Variants in SLC24A1 observed in about 807,000 individuals in gnomAD.
SLC24A1 encodes solute carrier family 24 member 1.
Under a neutral mutation model 88.1 loss-of-function variants are expected in SLC24A1, and 52 were observed. The observed-to-expected ratio is 0.59, with a 90% CI of 0.47 to 0.74. SLC24A1 has a LOEUF of 0.74. Ranked by LOEUF, SLC24A1 falls within the 30% of genes least tolerant of loss-of-function variation. The probability of loss-of-function intolerance (pLI) is 0.00; values close to 1 mark genes in which losing one functional copy is unlikely to be tolerated. For missense variants in SLC24A1, 1,173 were observed against 1,363.3 expected (o/e 0.86, Z 2.20); for synonymous variants, 455 against 498.0 (o/e 0.91, Z 1.15).
At chr15:65,652,099 C>T (rs566208237) in intron 8 of SLC24A1, 9 of 371,328 alleles carry the variant, frequency 2.4e-5, no homozygotes, top group African/African-American at 1.1e-4. Flanking sequence ...CAGCTTTTTT[C>T]GCCTGCTCTC....
At chr15:65,629,093 G>T (rs1015778723) in intron 2 of SLC24A1, among the ~76,000 whole-genome samples, 6 of 152,196 alleles carry the variant, frequency 3.9e-5, no homozygotes, top group African/African-American at 1.2e-4. Flanking sequence ...TGGCCACGTG[G>T]TATTTTAGTA....
chr15:65,660,226 G>C, downstream of SLC24A1: 1 of 1,404,322 alleles, frequency 7.1e-7, no homozygotes, highest in Non-Finnish European at 9.7e-7. Flanking sequence ...AGCAAGTTCA[G>C]CCCCAAACTA....
chr15:65,645,934 AACTGTC>A (rs1362219933), intron 6 of SLC24A1, among the ~76,000 whole-genome samples: 3 of 152,356 alleles, frequency 2.0e-5, no homozygotes, highest in Non-Finnish European at 4.4e-5. Context: ...ATGTATTGTG[AACTGTC>A]ACATGCTATA....
At chr15:65,632,320 G>C (rs531284743) in intron 2 of SLC24A1, among the ~76,000 whole-genome samples, 20 of 152,198 alleles carry the variant, frequency 1.3e-4, no homozygotes, top group Non-Finnish European at 2.8e-4. Context: ...GTGTGAAGTG[G>C]ATATGGAGGG....
At position 65,654,272 on chromosome 15, in the gene SLC24A1, C is replaced by T. The variant is rs2075604492; in HGVS notation, c.*193C>T. The T allele has an allele frequency of 1.4e-6, 2 of 1,394,100 alleles. No individual in the cohort carries two copies. The highest frequency in any genetic ancestry group is 1.9e-6 in the Non-Finnish European group (2 of 1,079,668). 86.4% of individuals were successfully genotyped at this position (1,394,100 alleles called of 1,614,324 possible). On this transcript the variant is annotated 3_prime_UTR_variant, in exon 10 of 10. Transcript: ENST00000261892. ...CCTGCAGCTCATTGTGGATTAAGAA[C>T]CTCACCCCTGGAGGGGTGGAGTTTC...
chr15:65,648,875 C>T (rs767341446), intron 6 of SLC24A1, among the ~76,000 whole-genome samples: 2 of 151,932 alleles, frequency 1.3e-5, no homozygotes, highest in Non-Finnish European at 2.9e-5. Context: ...TGGGCTCTAG[C>T]GATCCTACTG....
chr15:65,649,851 T>G (rs763617138), intron 6 of SLC24A1, among the ~76,000 whole-genome samples: 1 of 152,214 alleles, frequency 6.6e-6, no homozygotes, highest in Non-Finnish European at 1.5e-5. Flanking sequence ...ACATTGTATC[T>G]AAGACAAGGG....
At position 65,655,151 on chromosome 15, in the gene SLC24A1, C is replaced by T. The variant is rs2075637932; in HGVS notation, c.*1072C>T. On this transcript the variant is annotated 3_prime_UTR_variant, in exon 10 of 10. Transcript: ENST00000261892. Reference sequence around the variant, plus strand: ...TAGACATTCTAATGGAATGTCCTGGCTCCACCCTCCAGCATGTTCTCACCC... The same window carrying T: ...TAGACATTCTAATGGAATGTCCTGGTTCCACCCTCCAGCATGTTCTCACCC... The T allele has an allele frequency of 1.0e-6, 1 of 991,628 alleles. No individual in the cohort carries two copies. The highest frequency in any genetic ancestry group is 1.2e-6 in the Non-Finnish European group (1 of 833,874). 61.4% of individuals were successfully genotyped at this position (991,628 alleles called of 1,614,324 possible).
chr15:65,630,067 C>A (rs1273414573), intron 2 of SLC24A1, among the ~76,000 whole-genome samples: 2 of 152,184 alleles, frequency 1.3e-5, no homozygotes, highest in Non-Finnish European at 2.9e-5. Context: ...CAGACTCAGG[C>A]AGTCTCCCTC....
intron 6 of SLC24A1, among the ~76,000 whole-genome samples, chr15:65,648,196 C>G (rs1399056927): frequency 6.6e-6 from 1 of 151,940 alleles, no homozygotes; most frequent in Non-Finnish European, 1.5e-5. Flanking sequence ...GGAGGCGGAG[C>G]TTGCAGTGAG....
chr15:65,614,935 A>G (rs894996545), intron 2 of SLC24A1, among the ~76,000 whole-genome samples: 2 of 152,358 alleles, frequency 1.3e-5, no homozygotes, highest in Admixed American at 1.3e-4. Context: ...TCCTTTGAAA[A>G]GTGCTATAAA....
At chr15:65,648,178 T>C (rs542558874) in intron 6 of SLC24A1, among the ~76,000 whole-genome samples, 162 of 152,164 alleles carry the variant, frequency 1.1e-3, no homozygotes, top group Non-Finnish European at 1.4e-3. Context: ...GAGAATGGCG[T>C]GAACCCGGGA....
chr15:65,613,625 C>T (rs2074046730), intron 2 of SLC24A1, among the ~76,000 whole-genome samples: 1 of 152,052 alleles, frequency 6.6e-6, no homozygotes, highest in Non-Finnish European at 1.5e-5. Flanking sequence ...GCTGGGACTA[C>T]AGGCATGTGC....
chr15:65,625,748 G>C lies in SLC24A1; in HGVS notation c.1668G>C (p.Trp556Cys). The change falls in exon 2 of 10, where the codon TGG becomes TGC. Residue 556 changes from tryptophan (W) to cysteine (C), a missense_variant. Coordinates refer to ENST00000261892, the MANE Select transcript of SLC24A1 (RefSeq NM_004727.3). The stretch of plus-strand genomic sequence containing the variant: ...GAGAGATCCTCAACCTCACCTGGTG[G>C]CCCTTATTCCGTGATGTCTCCTTCT... ...FSREILNLTW[W>C]PLFRDVSFYI... 6.2e-7 allele frequency: 1 copy of C among 1,613,986 alleles called. No individual in the cohort carries two copies. Among genetic ancestry groups the C allele is most frequent in the Non-Finnish European group, 8.5e-7 (1 of 1,179,864 alleles).
At chr15:65,639,437 C>A (rs2075046974) in intron 3 of SLC24A1, among the ~76,000 whole-genome samples, 158 bp from the exon 4 acceptor site, 1 of 152,170 alleles carries the variant, frequency 6.6e-6, no homozygotes, top group Admixed American at 6.5e-5. Context: ...AGTAGTGTAA[C>A]TCTTCTGGTT....
chr15:65,630,899 A>G (rs1267998093), intron 2 of SLC24A1, among the ~76,000 whole-genome samples: 1 of 152,226 alleles, frequency 6.6e-6, no homozygotes, highest in Non-Finnish European at 1.5e-5. Flanking sequence ...GGAACCCAGC[A>G]GGCGGAGGTT....
intron 6 of SLC24A1, among the ~76,000 whole-genome samples, chr15:65,648,246 C>T (rs1175947100): frequency 3.3e-5 from 5 of 151,518 alleles, no homozygotes; most frequent in Non-Finnish European, 5.9e-5. Flanking sequence ...GGCGACAGAG[C>T]AAGACTCCGC....
In SLC24A1 at chr15:65,616,784, T is replaced by C. The variant is rs148515884; in HGVS notation, c.-227-2096T>C. 6.4e-3 allele frequency among the ~76,000 whole-genome samples: 970 copies of C among 152,342 alleles called. 9 individuals are homozygous for C. Among genetic ancestry groups the C allele is most frequent in the African/African-American group, 0.022 (931 of 41,562 alleles). ...GTTGCCATTGCTCTTGGTGTTTTAG[T>C]CATGAAGTCCTTGGCCATGCCTATG... On this transcript the variant is annotated intron_variant, in intron 2 of 11. Transcript: ENST00000537259.
At chr15:65,645,110 C>G (rs777659107) in intron 5 of SLC24A1, among the ~76,000 whole-genome samples, 1 of 152,240 alleles carries the variant, frequency 6.6e-6, no homozygotes, top group South Asian at 2.1e-4. Context: ...ATCCTATAGA[C>G]AAGAGTCTCA....
Sources: gnomAD v4.1 joint callset for allele counts (sites outside exome capture counted in the v4.1 genomes callset) on GRCh38, gnomAD v4.1.1 for gene constraint, MANE v1.5 for transcripts, NCBI Gene and HGNC (gene_info 2026-07-23, HGNC 2026-07-21) for gene names.